Variants in TAFA2 observed in about 807,000 individuals in gnomAD.
TAFA2 encodes the protein TAFA chemokine like family member 2, also known as chemokine-like protein TAFA-2.
TAFA2 carries 7 observed loss-of-function variants against 18.8 expected under a neutral mutation model. That is an observed-to-expected ratio of 0.37 (90% CI 0.21 to 0.70). TAFA2 has a LOEUF of 0.70. Among genes scored for constraint, TAFA2 ranks in the 30% least tolerant of loss-of-function variants. The pLI is 0.53. For missense variants in TAFA2, 122 were observed against 158.1 expected (o/e 0.77, Z 1.23); for synonymous variants, 60 against 54.2 (o/e 1.11, Z -0.47).
intron 1 of TAFA2, among the ~76,000 whole-genome samples, chr12:61,912,982 G>T (rs1447527390): frequency 6.6e-6 from 1 of 152,092 alleles, no homozygotes; most frequent in East Asian, 1.9e-4. Context: ...AGAGAAGAAG[G>T]TCTGGTGAAA....
intron 1 of TAFA2, among the ~76,000 whole-genome samples, chr12:61,971,969 G>C (rs1270501760): frequency 6.6e-6 from 1 of 151,662 alleles, no homozygotes; most frequent in African/African-American, 2.4e-5. Context: ...AATCTAAACA[G>C]CCATTGTAAA....
At chr12:62,008,816 C>T (rs1260757957) in intron 1 of TAFA2, among the ~76,000 whole-genome samples, 1 of 152,100 alleles carries the variant, frequency 6.6e-6, no homozygotes, top group African/African-American at 2.4e-5. Flanking sequence ...CATTTTATTG[C>T]CAACATTTTA....
At chr12:62,108,297 T>C (rs1869555687) in intron 1 of TAFA2, among the ~76,000 whole-genome samples, 1 of 152,308 alleles carries the variant, frequency 6.6e-6, no homozygotes, top group Middle Eastern at 3.4e-3. Flanking sequence ...TTCATCCATG[T>C]CCCTGCAAAG....
intron 2 of TAFA2, among the ~76,000 whole-genome samples, chr12:61,790,759 GAATT>G (rs1042081538): frequency 1.3e-5 from 2 of 151,700 alleles, no homozygotes; most frequent in African/African-American, 2.4e-5. Context: ...TGAACTTGAA[GAATT>G]AATATTTCTA....
rs186617576 is a variant in TAFA2 at position 61,972,470 on chromosome 12, C to A, written c.-1-105044G>T. 2.4e-3 allele frequency among the ~76,000 whole-genome samples: 360 copies of A among 151,594 alleles called. 4 individuals are homozygous for A. The highest frequency in any genetic ancestry group is 8.3e-3 in the African/African-American group (344 of 41,414). ...TTCCAAAGTTTTATGAGCCCTAAGG[C>A]CTTGCATTAAAATCTTCACATCTGG... is the stretch of plus-strand genomic sequence containing the variant. On this transcript the variant is annotated intron_variant, in intron 1 of 4. Transcript: ENST00000416284.
intron 1 of TAFA2, among the ~76,000 whole-genome samples, chr12:62,170,367 T>A (rs1373576453): frequency 6.6e-6 from 1 of 152,262 alleles, no homozygotes; most frequent in South Asian, 2.1e-4. Context: ...TCTACTGATA[T>A]GGCTAGCGTC....
chr12:61,966,351 G>A (rs557216962), intron 1 of TAFA2, among the ~76,000 whole-genome samples: 1 of 151,890 alleles, frequency 6.6e-6, no homozygotes, highest in Non-Finnish European at 1.5e-5. Context: ...TCCAGAGGAA[G>A]GAACACTGGT....
At chr12:62,106,719 A>G (rs1351261133) in intron 1 of TAFA2, among the ~76,000 whole-genome samples, 1 of 152,172 alleles carries the variant, frequency 6.6e-6, no homozygotes, top group Non-Finnish European at 1.5e-5. Flanking sequence ...TGTTTCTCCA[A>G]CACTCGCCCC....
At chr12:62,181,536 A>G (rs1270883173) in intron 1 of TAFA2, among the ~76,000 whole-genome samples, 1 of 152,272 alleles carries the variant, frequency 6.6e-6, no homozygotes, top group Non-Finnish European at 1.5e-5. Flanking sequence ...ATTACGAACT[A>G]TATTAATCAT....
chr12:61,839,510 T>G (rs35772232), intron 2 of TAFA2, among the ~76,000 whole-genome samples: 43,293 of 151,942 alleles, frequency 0.28, 6,871 homozygotes, highest in South Asian at 0.4. Context: ...TAGGTGCCCA[T>G]CAACAGTGGA....
rs1225052397 is a variant in TAFA2, at chr12:61,834,129, GC to G, written c.106+33190del. The stretch of plus-strand genomic sequence containing the variant: ...CCATGTACCAGGCACTTATCTAAAT[GC>G]TTTTATATACACTAGGTCACTTAAT... On this transcript the variant is annotated intron_variant, in intron 2 of 4. Transcript: ENST00000416284. Among the ~76,000 whole-genome samples, 7 of 152,008 alleles carry G rather than the reference GC, an allele frequency of 4.6e-5. No individual in the cohort carries two copies. In the East Asian group the frequency reaches 9.7e-4, roughly 21 times the overall value.
intron 1 of TAFA2, among the ~76,000 whole-genome samples, chr12:61,891,699 G>C (rs776081879): frequency 6.6e-6 from 1 of 151,948 alleles, no homozygotes; most frequent in Non-Finnish European, 1.5e-5. Context: ...AGGAGAAGGA[G>C]GAGGGAGGTT....
chr12:62,043,010 G>A (rs917056896), intron 1 of TAFA2, among the ~76,000 whole-genome samples: 2 of 152,138 alleles, frequency 1.3e-5, no homozygotes, highest in Admixed American at 6.5e-5. Flanking sequence ...AAGGGGGATA[G>A]AGATGTCAGC....
rs532759526 is a variant in TAFA2 at position 61,994,855 on chromosome 12, G to A, written c.-1-127429C>T. 3.9e-5 allele frequency among the ~76,000 whole-genome samples: 6 copies of A among 152,080 alleles called. No individual in the cohort carries two copies. The East Asian group carries it at 9.7e-4, about 25-fold the overall frequency. On this transcript the variant is annotated intron_variant, in intron 1 of 4. Transcript: ENST00000416284. ...TCTCAACTCTGAATTTTTATTTAGG[G>A]TTTGAGCCTGGGCCAGCTCTTCTCT...
chr12:62,143,504 A>T (rs982344334), intron 1 of TAFA2, among the ~76,000 whole-genome samples: 1 of 152,156 alleles, frequency 6.6e-6, no homozygotes, highest in Non-Finnish European at 1.5e-5. Context: ...ACTTTGTTTC[A>T]TCTATAAAAC....
At chr12:61,905,255 G>A (rs953433000) in intron 1 of TAFA2, among the ~76,000 whole-genome samples, 1 of 152,082 alleles carries the variant, frequency 6.6e-6, no homozygotes, top group Admixed American at 6.6e-5. Flanking sequence ...AGAGATTACT[G>A]TTCAAAAGTC....
At chr12:61,949,388 C>T in intron 1 of TAFA2, among the ~76,000 whole-genome samples, 1 of 152,062 alleles carries the variant, frequency 6.6e-6, no homozygotes, top group Admixed American at 6.6e-5. Flanking sequence ...GGAGTCACAC[C>T]ATCAACTCTC....
At position 61,709,105 on chromosome 12, in the gene TAFA2, C is replaced by T. The variant is rs995608151; in HGVS notation, c.*1301G>A. The T allele has an allele frequency of 6.6e-6, 1 of 152,458 alleles. No individual in the cohort carries two copies. The highest frequency in any genetic ancestry group is 2.4e-5 in the African/African-American group (1 of 41,420). The allele number at this position is 152,458 out of a possible 1,614,324, so 9.4% of individuals were successfully genotyped here. On this transcript the variant is annotated 3_prime_UTR_variant, in exon 5 of 5. Coordinates refer to ENST00000416284, the MANE Select transcript of TAFA2 (RefSeq NM_178539.5). ...ATGGCTATGCACTTTTCTTTCTTCT[C>T]TCCCTTCATATCACAAATGAAACAA... is the stretch of plus-strand genomic sequence containing the variant.
intron 2 of TAFA2, among the ~76,000 whole-genome samples, chr12:61,768,368 C>G (rs1409147371): frequency 6.6e-6 from 1 of 152,124 alleles, no homozygotes; most frequent in Non-Finnish European, 1.5e-5. Flanking sequence ...GACAGAGCAG[C>G]TTGTGGAGAC....
Sources: allele counts gnomAD v4.1 joint callset (sites outside exome capture counted in the v4.1 genomes callset), GRCh38; gene constraint gnomAD v4.1.1; transcripts MANE v1.5; gene names NCBI Gene and HGNC (gene_info 2026-07-23, HGNC 2026-07-21).